Variants in ARHGEF17 observed in about 807,000 individuals in gnomAD.
ARHGEF17 encodes the protein Rho guanine nucleotide exchange factor 17, also known as 164 kDa Rho-specific guanine-nucleotide exchange factor.
Under a neutral mutation model 174.0 loss-of-function variants are expected in ARHGEF17, and 80 were observed. That is an observed-to-expected ratio of 0.46 (90% CI 0.38 to 0.55). The LOEUF is 0.55. Ranked by LOEUF, ARHGEF17 falls within the 20% of genes least tolerant of loss-of-function variation. The pLI, the probability that ARHGEF17 is intolerant of heterozygous loss-of-function variation, is 0.00. For missense variants in ARHGEF17, 2,886 were observed against 2,839.7 expected (o/e 1.02, Z -0.37); for synonymous variants, 1,311 against 1,189.1 (o/e 1.10, Z -2.11).
rs375182928 is a variant in ARHGEF17, at chr11:73,365,378, C to T, written c.5551-12C>T. 2.8e-4 allele frequency: 447 copies of T among 1,613,492 alleles called. 1 individual carries two copies. The highest frequency in any genetic ancestry group is 3.7e-4 in the Non-Finnish European group (433 of 1,179,880). On this transcript the variant is annotated splice_polypyrimidine_tract_variant and intron_variant, in intron 18 of 20. Coordinates refer to ENST00000263674, the MANE Select transcript of ARHGEF17 (RefSeq NM_014786.4). This position sits in a 1 kb window ranked among gnomAD's most constrained non-coding sequence, Gnocchi z 4.9. Reference sequence around the variant, plus strand: ...CCTGCCAATGACCCATCTTCTCCCCCGCCTTCCCCAGCACATGTTTTACGT... The same window carrying T: ...CCTGCCAATGACCCATCTTCTCCCCTGCCTTCCCCAGCACATGTTTTACGT...
intron 1 of ARHGEF17, among the ~76,000 whole-genome samples, chr11:73,345,114 G>T (rs555623528): frequency 6.6e-6 from 1 of 152,144 alleles, no homozygotes; most frequent in African/African-American, 2.4e-5. Flanking sequence ...GGCCCTCCAC[G>T]CTCTCCCAAG....
chr11:73,359,250 G>A (rs1234947120), intron 9 of ARHGEF17, among the ~76,000 whole-genome samples: 2 of 152,356 alleles, frequency 1.3e-5, no homozygotes, highest in East Asian at 1.9e-4. Flanking sequence ...AGACACATGT[G>A]TCCTGGCCCA....
intron 12 of ARHGEF17, 94 bp downstream of exon 12, chr11:73,361,255 A>G: frequency 1.8e-6 from 2 of 1,123,818 alleles, no homozygotes; most frequent in South Asian, 1.4e-5. Context: ...TGCCGTGAAC[A>G]TTGCTATTGC....
chr11:73,325,205 A>G lies in ARHGEF17; in HGVS notation c.3192+13375A>G, dbSNP rs570305195. ...AGAGCCCAGAGAGGCCCAGACCCGC[A>G]GCCAGCCCAAACCTCCCCCACCCCC... On this transcript the variant is annotated intron_variant, in intron 1 of 20. Transcript: ENST00000263674. Among the ~76,000 whole-genome samples, 266 of 152,306 alleles carry G rather than the reference A, an allele frequency of 1.7e-3. 1 individual carries two copies. The highest frequency in any genetic ancestry group is 3.6e-3 in the Admixed American group (55 of 15,300).
intron 1 of ARHGEF17, among the ~76,000 whole-genome samples, chr11:73,318,963 C>G (rs938778451): frequency 6.6e-6 from 1 of 152,236 alleles, no homozygotes; most frequent in Non-Finnish European, 1.5e-5. Flanking sequence ...TCTGCCTTTA[C>G]CATCCTCTCC....
At chr11:73,313,177 C>T (rs75288897) in intron 1 of ARHGEF17, among the ~76,000 whole-genome samples, 4,896 of 152,226 alleles carry the variant, frequency 0.032, 252 homozygotes, top group African/African-American at 0.11. Flanking sequence ...CTGGTCCTGG[C>T]TCTGGGGTTT....
At chr11:73,350,181 T>C (rs1185645966) in intron 2 of ARHGEF17, among the ~76,000 whole-genome samples, 1 of 152,252 alleles carries the variant, frequency 6.6e-6, no homozygotes. Context: ...AGATATTATA[T>C]TCTTTATACA....
chr11:73,315,615 A>G (rs1260893385), intron 1 of ARHGEF17, among the ~76,000 whole-genome samples: 1 of 152,052 alleles, frequency 6.6e-6, no homozygotes, highest in Non-Finnish European at 1.5e-5. Flanking sequence ...GCGGTACCAA[A>G]TATCTATAAT....
At chr11:73,356,004 G>C (rs745875424) in intron 5 of ARHGEF17, 51 bp downstream of exon 5, 1 of 1,608,848 alleles carries the variant, frequency 6.2e-7, no homozygotes, top group East Asian at 2.2e-5. Flanking sequence ...AGCATGGGGG[G>C]ATACAAGGAG....
chr11:73,363,871 C>T (rs766626372), intron 16 of ARHGEF17, 38 bp downstream of exon 16: 3 of 1,590,440 alleles, frequency 1.9e-6, no homozygotes, highest in South Asian at 1.1e-5. Context: ...CTAGACTCTT[C>T]TCAGCCACAC....
intron 1 of ARHGEF17, among the ~76,000 whole-genome samples, chr11:73,329,861 G>A (rs1865177733): frequency 6.6e-6 from 1 of 152,160 alleles, no homozygotes; most frequent in Non-Finnish European, 1.5e-5. Context: ...CTAGGATACA[G>A]GGTAAATGTG....
At position 73,310,205 on chromosome 11, in the gene ARHGEF17, C is replaced by T. The variant is rs767351160; in HGVS notation, c.1567C>T (p.Pro523Ser). 9 of 1,614,028 alleles carry T rather than the reference C, an allele frequency of 5.6e-6. No homozygotes were observed. The highest frequency in any genetic ancestry group is 6.8e-6 in the Non-Finnish European group (8 of 1,180,028). The change falls in exon 1 of 21, where the codon CCA (proline) becomes TCA (serine). Residue 523 changes from proline (P) to serine (S), a missense_variant. Pro to Ser is a moderately conservative substitution (Grantham distance 74). Coordinates refer to ENST00000263674, the MANE Select transcript of ARHGEF17 (RefSeq NM_014786.4). ...PVGQLEPIPI[P>S]APASPGTRPT... is the part of the protein sequence containing the mutation. ...GGGGCAACTTGAACCCATACCCATC[C>T]CAGCCCCAGCATCACCTGGCACGCG...
intron 1 of ARHGEF17, among the ~76,000 whole-genome samples, chr11:73,320,627 T>TAA (rs1358841819): frequency 1.4e-5 from 1 of 71,668 alleles, no homozygotes; most frequent in African/African-American, 9.9e-5. Flanking sequence ...AGACTCCGTC[T>TAA]CAAAAAAAAA....
rs1018751527 is a variant in ARHGEF17, at chr11:73,310,725, C to A, written c.2087C>A (p.Ser696Ter). The A allele has an allele frequency of 6.2e-7, 1 of 1,612,156 alleles. No individual in the cohort carries two copies. Residue 696 changes from serine to a stop codon, truncating the protein, a stop_gained, in exon 1 of 21, where the codon TCG becomes TAG. Transcript: ENST00000263674. LOFTEE classifies it high-confidence loss of function. Reference protein sequence around the residue: ...EDSLGGWALVSPETPPTPGAL... With the variant: ...EDSLGGWALV The stretch of plus-strand genomic sequence containing the variant: ...AGTCTGGGCGGGTGGGCCCTGGTGT[C>A]GCCTGAGACCCCTCCCACACCAGGT...
At position 73,365,311 on chromosome 11, in the gene ARHGEF17, C is replaced by T. The variant is rs1865815845; in HGVS notation, c.5551-79C>T. 1 of 1,523,430 alleles carries T rather than the reference C, an allele frequency of 6.6e-7. No individual in the cohort carries two copies. Among genetic ancestry groups the T allele is most frequent in the Non-Finnish European group, 9.0e-7 (1 of 1,112,248 alleles). 94.4% of individuals were successfully genotyped at this position (1,523,430 alleles called of 1,614,324 possible). ...GCTAGTGTGAGTTGTGAGGGATGGA[C>T]ACTGGTGAAGCTCCAGGCTAGGGTG... On this transcript the variant is annotated intron_variant, in intron 18 of 20. Coordinates refer to ENST00000263674, the MANE Select transcript of ARHGEF17 (RefSeq NM_014786.4). The surrounding 1 kb of genome is among the most constrained non-coding windows in gnomAD (Gnocchi z 4.9).
intron 1 of ARHGEF17, among the ~76,000 whole-genome samples, chr11:73,344,817 C>T (rs572600127): frequency 2.0e-5 from 3 of 152,362 alleles, no homozygotes; most frequent in South Asian, 2.1e-4. Flanking sequence ...TGGCCCGTGG[C>T]TGCCCAGTCA....
chr11:73,345,954 A>C (rs1865453010), intron 1 of ARHGEF17, among the ~76,000 whole-genome samples: 1 of 151,796 alleles, frequency 6.6e-6, no homozygotes, highest in Non-Finnish European at 1.5e-5. Flanking sequence ...GGCTTCCTGG[A>C]GGTGGGGATT....
Position 73,364,187 on chromosome 11 carries a change from G to A in ARHGEF17, c.5349G>A (p.Gln1783=), listed in dbSNP as rs772245589. 9 of 1,614,026 alleles carry A rather than the reference G, an allele frequency of 5.6e-6. No homozygotes were observed. The highest frequency in any genetic ancestry group is 7.6e-6 in the Non-Finnish European group (9 of 1,180,036). The part of the protein sequence containing the change: ...SVTCILYLNN[Q]VFVSLANGEL... ...CCCTACCCAGGTATCTGAATAACCAGGTGTTTGTGTCTCTGGCCAATGGAG... is the reference window on the plus strand; with the variant it reads ...CCCTACCCAGGTATCTGAATAACCAAGTGTTTGTGTCTCTGGCCAATGGAG... Residue 1783 remains glutamine, a synonymous_variant, in exon 17 of 21, where the codon CAG becomes CAA. Transcript: ENST00000263674.
At chr11:73,357,350 T>A in intron 9 of ARHGEF17, 23 bp downstream of exon 9, 1 of 1,604,702 alleles carries the variant, frequency 6.2e-7, no homozygotes, top group East Asian at 2.2e-5. Flanking sequence ...CTAGGGGTTC[T>A]GGGTGTTGGG....
Sources: allele counts gnomAD v4.1 joint callset (sites outside exome capture counted in the v4.1 genomes callset), GRCh38; gene constraint gnomAD v4.1.1; non-coding constraint Gnocchi (gnomAD v3.1); transcripts MANE v1.5; gene names NCBI Gene and HGNC (gene_info 2026-07-23, HGNC 2026-07-21).